Variants in GRM7 observed in about 807,000 individuals in gnomAD.
GRM7 encodes the protein metabotropic glutamate receptor 7.
A neutral mutation model predicts 84.5 loss-of-function variants in GRM7; 35 were observed. That is an observed-to-expected ratio of 0.41 (90% CI 0.32 to 0.55). The LOEUF (loss-of-function observed/expected upper bound fraction) is 0.55, where lower values mean the gene tolerates loss of function less well. GRM7 is among the 20% of genes least tolerant of loss of function. The pLI is 0.19. For missense variants in GRM7, 1,003 were observed against 1,194.6 expected, an observed-to-expected ratio of 0.84 and a Z score of 2.36; for synonymous variants, 487 against 455.1, an observed-to-expected ratio of 1.07 and a Z score of -0.89.
chr3:7,396,293 A>G (rs1009209478), intron 4 of GRM7, among the ~76,000 whole-genome samples: 1 of 152,128 alleles, frequency 6.6e-6, no homozygotes, highest in Non-Finnish European at 1.5e-5. Flanking sequence ...TGAAAGTGCA[A>G]CTACACACAC....
Position 7,557,015 on chromosome 3 carries a change from T to C in GRM7, c.1516-21407T>C, listed in dbSNP as rs77473176. Among the ~76,000 whole-genome samples the C allele has an allele frequency of 4.0e-4, 61 of 152,292 alleles. No individual in the cohort carries two copies. The East Asian group carries it at 8.7e-3, about 22-fold the overall frequency. On this transcript the variant is annotated intron_variant, in intron 7 of 9. Transcript: ENST00000357716. ...ATTAGGGTTTTTAACTTATGAGCAA[T>C]GAAAACCCATCTGATGAATTTTAAA...
intron 7 of GRM7, among the ~76,000 whole-genome samples, chr3:7,471,613 G>T (rs1410007515): frequency 2.6e-5 from 4 of 151,928 alleles, no homozygotes; most frequent in African/African-American, 4.8e-5. Context: ...CTTCCACTTT[G>T]AAAGGCCCAT....
intron 5 of GRM7, among the ~76,000 whole-genome samples, chr3:7,432,667 A>T (rs1008006056): frequency 6.6e-6 from 1 of 152,138 alleles, no homozygotes; most frequent in Non-Finnish European, 1.5e-5. Flanking sequence ...ATAGATTTAG[A>T]ATAAAACCAT....
chr3:7,420,559 A>G (rs899300416), intron 5 of GRM7, among the ~76,000 whole-genome samples: 2 of 152,066 alleles, frequency 1.3e-5, no homozygotes, highest in African/African-American at 4.8e-5. Flanking sequence ...CATGCATAGG[A>G]TTATGTGTTA....
intron 1 of GRM7, among the ~76,000 whole-genome samples, chr3:7,121,893 T>G (rs1009089103): frequency 6.6e-6 from 1 of 152,170 alleles, no homozygotes; most frequent in Non-Finnish European, 1.5e-5. Context: ...CTCTCGTGAA[T>G]GGGTGAAAGT....
chr3:7,281,909 C>T (rs1305100567), intron 2 of GRM7, among the ~76,000 whole-genome samples: 2 of 152,150 alleles, frequency 1.3e-5, no homozygotes, highest in African/African-American at 4.8e-5. Context: ...GGTGAAACCC[C>T]GTCCCTACTA....
At chr3:7,076,551 A>T (rs999144285) in intron 1 of GRM7, among the ~76,000 whole-genome samples, 2 of 152,110 alleles carry the variant, frequency 1.3e-5, no homozygotes, top group Non-Finnish European at 2.9e-5. Flanking sequence ...CCTCCTAGCT[A>T]TGCAGAACTT....
chr3:6,964,331 A>G (rs886283479), intron 1 of GRM7, among the ~76,000 whole-genome samples: 8 of 152,132 alleles, frequency 5.3e-5, no homozygotes, highest in Middle Eastern at 3.4e-3. Context: ...TGAACTTATC[A>G]TTGTATCCTC....
At chr3:6,977,769 A>G (rs1694055798) in intron 1 of GRM7, among the ~76,000 whole-genome samples, 2 of 152,194 alleles carry the variant, frequency 1.3e-5, no homozygotes, top group African/African-American at 4.8e-5. Context: ...GCTTAACATG[A>G]CTTCAGTGGG....
chr3:6,877,808 A>ATC lies in GRM7; in HGVS notation c.519+15902_519+15903dup, dbSNP rs1462699149. On this transcript the variant is annotated intron_variant, in intron 1 of 9. Coordinates refer to ENST00000357716, the MANE Select transcript of GRM7 (RefSeq NM_000844.4). Reference sequence around the variant, plus strand: ...TATATACACATATACCTACACAGATATCACACACACACACACACACACACA... The same window carrying ATC: ...TATATACACATATACCTACACAGATATCTCACACACACACACACACACACACA... 5.2e-5 allele frequency among the ~76,000 whole-genome samples: 6 copies of ATC among 115,200 alleles called. No individual in the cohort carries two copies. In the East Asian group the frequency reaches 1.2e-3, roughly 24 times the overall value. 75.6% of individuals were successfully genotyped at this position (115,200 alleles called of 152,430 possible).
chr3:6,870,427 A>T (rs891725318), intron 1 of GRM7, among the ~76,000 whole-genome samples: 3 of 152,204 alleles, frequency 2.0e-5, no homozygotes, highest in Admixed American at 6.6e-5. Context: ...ATTGTGGCTG[A>T]GTAGAGTCAA....
intron 4 of GRM7, among the ~76,000 whole-genome samples, chr3:7,341,559 G>A (rs750699188): frequency 6.6e-6 from 1 of 152,150 alleles, no homozygotes; most frequent in South Asian, 2.1e-4. Context: ...TTGCAGTCTA[G>A]TATATAGAGG....
At chr3:7,723,559 G>T (rs1038467842) in intron 9 of GRM7, among the ~76,000 whole-genome samples, 6 of 152,128 alleles carry the variant, frequency 3.9e-5, no homozygotes, top group Non-Finnish European at 2.9e-5. Context: ...AGGAATTTAG[G>T]TAGGGCACAA....
intron 1 of GRM7, among the ~76,000 whole-genome samples, chr3:7,036,605 T>C (rs1016024960): frequency 2.6e-5 from 4 of 152,216 alleles, no homozygotes; most frequent in African/African-American, 7.2e-5. Flanking sequence ...AACTGTGAAA[T>C]TGACATTTTA....
intron 8 of GRM7, among the ~76,000 whole-genome samples, chr3:7,645,934 A>G (rs1698617060): frequency 6.6e-6 from 1 of 151,112 alleles, no homozygotes; most frequent in South Asian, 2.1e-4. Context: ...TTACTTGGGG[A>G]GCGTCTGTTT....
intron 8 of GRM7, among the ~76,000 whole-genome samples, chr3:7,633,565 AG>A (rs1697946729): frequency 6.6e-6 from 1 of 152,020 alleles, no homozygotes; most frequent in African/African-American, 2.4e-5. Flanking sequence ...ATTTAGGAGG[AG>A]GGAGGAATTA....
intron 4 of GRM7, among the ~76,000 whole-genome samples, chr3:7,342,730 G>A (rs2125081352): frequency 6.6e-6 from 1 of 152,282 alleles, no homozygotes; most frequent in East Asian, 1.9e-4. Context: ...TCTAGGTGAT[G>A]CTGATTCGAC....
At chr3:7,400,959 T>A (rs1008557600) in intron 4 of GRM7, among the ~76,000 whole-genome samples, 7 of 152,128 alleles carry the variant, frequency 4.6e-5, no homozygotes, top group African/African-American at 1.7e-4. Flanking sequence ...TATAATCATT[T>A]AAATTTTTTT....
intron 7 of GRM7, among the ~76,000 whole-genome samples, chr3:7,557,337 ATT>A (rs1660198953): frequency 6.6e-6 from 1 of 152,200 alleles, no homozygotes; most frequent in South Asian, 2.1e-4. Flanking sequence ...TAAAATTCTG[ATT>A]TTCTAAATGG....
Sources: allele counts gnomAD v4.1 joint callset (sites outside exome capture counted in the v4.1 genomes callset), GRCh38; gene constraint gnomAD v4.1.1; transcripts MANE v1.5; gene names NCBI Gene and HGNC (gene_info 2026-07-23, HGNC 2026-07-21).